ZGPAT: variants seen among roughly 807,000 people sequenced by gnomAD.
The protein encoded by ZGPAT is zinc finger CCCH-type with G patch domain-containing protein.
A neutral mutation model predicts 47.9 loss-of-function variants in ZGPAT; 39 were observed. That is an observed-to-expected ratio of 0.81 (90% CI 0.63 to 1.06). The LOEUF (loss-of-function observed/expected upper bound fraction) is 1.06. Ranked by LOEUF, ZGPAT falls within the 50% of genes least tolerant of loss-of-function variation. The probability of loss-of-function intolerance (pLI) is 0.00; values close to 1 mark genes in which losing one functional copy is unlikely to be tolerated. For missense variants in ZGPAT, 717 were observed against 681.4 expected (o/e 1.05, Z -0.58); for synonymous variants, 348 against 292.9 (o/e 1.19, Z -1.92).
chr20:63,717,174 G>A (rs182825591), intron 2 of ZGPAT, among the ~76,000 whole-genome samples: 1 of 152,054 alleles, frequency 6.6e-6, no homozygotes, highest in East Asian at 1.9e-4. Context: ...GATCTTTTTT[G>A]TTGCTGATCT....
At chr20:63,714,404 C>T (rs533330172) in intron 2 of ZGPAT, among the ~76,000 whole-genome samples, 53 of 134,816 alleles carry the variant, frequency 3.9e-4, no homozygotes, top group African/African-American at 4.5e-4. Flanking sequence ...CCAGCCTGGA[C>T]GACAGAGCAA....
At position 63,735,181 on chromosome 20, in the gene ZGPAT, C is replaced by A; in HGVS notation, c.1014C>A (p.Gly338=). The change falls in exon 6 of 7, where the codon GGC becomes GGA. Residue 338 remains glycine (G), a synonymous_variant. Coordinates refer to ENST00000355969, the MANE Select transcript of ZGPAT (RefSeq NM_181485.3). ...CAGGTTTGGGCCGACACGCGGAAGG[C>A]CGGGTGGAGCCCATCCATGCTGTGG... ...FGKGLGRHAE[G]RVEPIHAVVL... 6.6e-7 allele frequency: 1 copy of A among 1,524,026 alleles called. No individual in the cohort carries two copies. The allele number at this position is 1,524,026 out of a possible 1,614,324, so 94.4% of individuals were successfully genotyped here.
Position 63,709,044 on chromosome 20 carries a change from C to A in ZGPAT, c.464C>A (p.Thr155Lys). The stretch of plus-strand genomic sequence containing the variant: ...TATCACAACGCCATGGTGGTGGGAA[C>A]GGAAGAGGCGGAGGATGGCTCGGCG... ...LEYHNAMVVG[T>K]EEAEDGSAGV... The change falls in exon 2 of 7, where the codon ACG becomes AAG. Residue 155 changes from threonine (T) to lysine (K), a missense_variant. Transcript: ENST00000355969. The A allele has an allele frequency of 6.2e-7, 1 of 1,613,616 alleles. No individual in the cohort carries two copies. The highest frequency in any genetic ancestry group is 1.3e-5 in the African/African-American group (1 of 75,018).
intron 1 of ZGPAT, 50 bp downstream of exon 1, chr20:63,708,168 A>T (rs1288693138): frequency 6.6e-6 from 1 of 151,898 alleles, no homozygotes; most frequent in Non-Finnish European, 1.5e-5. Context: ...CGCGCGGAGG[A>T]GGTGCCCGGC....
chr20:63,721,241 A>C (rs2091784106), intron 2 of ZGPAT, among the ~76,000 whole-genome samples: 1 of 152,010 alleles, frequency 6.6e-6, no homozygotes, highest in African/African-American at 2.4e-5. Context: ...AGTCCCAGCT[A>C]CTGGGAAGAC....
chr20:63,719,909 T>C (rs2145660086), intron 2 of ZGPAT, among the ~76,000 whole-genome samples: 1 of 151,424 alleles, frequency 6.6e-6, no homozygotes, highest in East Asian at 2.0e-4. Flanking sequence ...CCCACCTAAT[T>C]TTTGGTATTT....
chr20:63,725,303 G>C (rs1372360092), intron 2 of ZGPAT, among the ~76,000 whole-genome samples: 2 of 152,184 alleles, frequency 1.3e-5, no homozygotes, highest in African/African-American at 2.4e-5. Flanking sequence ...TGTAGGACAG[G>C]CTTGCTAGCA....
chr20:63,725,073 C>G (rs1023861098), intron 2 of ZGPAT, among the ~76,000 whole-genome samples: 7 of 151,690 alleles, frequency 4.6e-5, no homozygotes, highest in Non-Finnish European at 8.8e-5. Context: ...CGAGCTCCGC[C>G]TCCCGGGTTC....
At chr20:63,728,513 C>G (rs537865171) in intron 2 of ZGPAT, among the ~76,000 whole-genome samples, 56 of 152,330 alleles carry the variant, frequency 3.7e-4, no homozygotes, top group Admixed American at 3.7e-3. Flanking sequence ...TCTCTCTTTG[C>G]TTTCACTTCA....
At chr20:63,720,882 C>T (rs570514630) in intron 2 of ZGPAT, among the ~76,000 whole-genome samples, 2 of 152,232 alleles carry the variant, frequency 1.3e-5, no homozygotes, top group African/African-American at 4.8e-5. Context: ...GATCCTCCGC[C>T]CTCTGCAGGG....
At chr20:63,724,099 C>T (rs2091818225) in intron 2 of ZGPAT, among the ~76,000 whole-genome samples, 1 of 152,032 alleles carries the variant, frequency 6.6e-6, no homozygotes, top group African/African-American at 2.4e-5. Flanking sequence ...GGAATGGTGG[C>T]TTTTATCTCT....
At chr20:63,713,896 TG>T (rs1351679963) in intron 2 of ZGPAT, among the ~76,000 whole-genome samples, 1 of 151,162 alleles carries the variant, frequency 6.6e-6, no homozygotes, top group Non-Finnish European at 1.5e-5. Flanking sequence ...AGAAATACAG[TG>T]GATTTTTTTA....
intron 2 of ZGPAT, among the ~76,000 whole-genome samples, chr20:63,730,644 C>G (rs982132378): frequency 6.6e-6 from 1 of 152,086 alleles, no homozygotes; most frequent in Non-Finnish European, 1.5e-5. Flanking sequence ...GCCACCACAC[C>G]CGGCTAATTT....
rs1333791256 is a variant in ZGPAT, at chr20:63,735,271, C to T, written c.1104C>T (p.Gly368=). 1 of 1,606,606 alleles carries T rather than the reference C, an allele frequency of 6.2e-7. No individual in the cohort carries two copies. Among genetic ancestry groups the T allele is most frequent in the South Asian group, 1.1e-5 (1 of 90,108 alleles). Residue 368 remains glycine (G), a synonymous_variant, in exon 6 of 7, where the codon GGC becomes GGT. Transcript: ENST00000355969. ...CCCTGCAGAAGCAGACCAGGGTTGG[C>T]AAGGCTGGCACCAACAAGCCCCCCA... is the stretch of plus-strand genomic sequence containing the variant. The part of the protein sequence containing the change: ...VETLQKQTRV[G]KAGTNKPPRC...
At chr20:63,712,840 G>A (rs554254830) in intron 2 of ZGPAT, among the ~76,000 whole-genome samples, 3 of 152,214 alleles carry the variant, frequency 2.0e-5, no homozygotes, top group Non-Finnish European at 2.9e-5. Context: ...AGGTTGCAGT[G>A]AGCTGAGATC....
In ZGPAT at chr20:63,708,869, C is replaced by T. The variant is rs374989957; in HGVS notation, c.289C>T (p.Arg97Cys). 6.2e-7 allele frequency: 1 copy of T among 1,609,536 alleles called. No individual in the cohort carries two copies. Among genetic ancestry groups the T allele is most frequent in the East Asian group, 2.2e-5 (1 of 44,846 alleles). ...GGCGGTGGAGGCACCAGCAGCGGCC[C>T]GTGGGTCCGGATCAGAGACCGTTCC... ...TEAVEAPAAA[R>C]GSGSETVPKA... The change falls in exon 2 of 7, where the codon CGT (arginine) becomes TGT (cysteine). Residue 97 changes from arginine to cysteine, a missense_variant. Coordinates refer to ENST00000355969, the MANE Select transcript of ZGPAT (RefSeq NM_181485.3).
intron 2 of ZGPAT, among the ~76,000 whole-genome samples, chr20:63,731,296 C>T (rs1340074979): frequency 1.3e-5 from 2 of 151,246 alleles, no homozygotes; most frequent in African/African-American, 4.9e-5. Flanking sequence ...GTGTGTGAGA[C>T]TGTGTGTGTG....
At chr20:63,711,400 A>G (rs903404783) in intron 2 of ZGPAT, among the ~76,000 whole-genome samples, 1 of 152,162 alleles carries the variant, frequency 6.6e-6, no homozygotes, top group Non-Finnish European at 1.5e-5. Flanking sequence ...AGGAGGAAAC[A>G]GGAGTAGAAG....
intron 1 of ZGPAT, 74 bp from the exon 2 acceptor site, chr20:63,708,479 C>G: frequency 3.2e-6 from 3 of 936,788 alleles, no homozygotes; most frequent in Non-Finnish European, 4.6e-6. Flanking sequence ...GGGGACGTGC[C>G]CGTGCCCGTG....
Sources: gnomAD v4.1 joint callset for allele counts (sites outside exome capture counted in the v4.1 genomes callset) on GRCh38, gnomAD v4.1.1 for gene constraint, MANE v1.5 for transcripts, NCBI Gene and HGNC (gene_info 2026-07-23, HGNC 2026-07-21) for gene names.